The following ROBO2 variants were observed in gnomAD, a reference collection of about 807,000 sequenced individuals.
The protein encoded by ROBO2 is roundabout homolog 2.
A neutral mutation model predicts 160.8 loss-of-function variants in ROBO2; 53 were observed. The ratio of observed to expected loss-of-function variants is 0.33; its 90% CI spans 0.26 to 0.41. The LOEUF (loss-of-function observed/expected upper bound fraction) is 0.41. Among genes scored for constraint, ROBO2 ranks in the 10% least tolerant of loss-of-function variants. The probability of loss-of-function intolerance (pLI) is 1.00; values close to 1 mark genes in which losing one functional copy is unlikely to be tolerated. For synonymous variants in ROBO2, 664 were observed against 611.7 expected (o/e 1.09, Z -1.26); for missense variants, 1,577 against 1,722.4 (o/e 0.92, Z 1.49).
At chr3:76,584,356 A>G (rs1868189) in intron 2 of ROBO2, among the ~76,000 whole-genome samples, 40,679 of 151,984 alleles carry the variant, frequency 0.27, 6,735 homozygotes, top group Non-Finnish European at 0.37. Context: ...TTGAAGTCTC[A>G]ACTCCTAGTA....
intron 2 of ROBO2, among the ~76,000 whole-genome samples, chr3:76,325,608 A>C (rs894963004): frequency 6.6e-6 from 1 of 152,058 alleles, no homozygotes; most frequent in Non-Finnish European, 1.5e-5. Flanking sequence ...CATTTTAATC[A>C]GTTTATAAGC....
chr3:76,103,363 A>T (rs913609844), intron 2 of ROBO2, among the ~76,000 whole-genome samples: 8 of 152,122 alleles, frequency 5.3e-5, no homozygotes, highest in Non-Finnish European at 1.0e-4. Context: ...CTGGACACCT[A>T]CTCTGAAGTG....
At position 76,290,928 on chromosome 3, in the gene ROBO2, T is replaced by C. The variant is rs143934356; in HGVS notation, c.109+353326T>C. Among the ~76,000 whole-genome samples, 44 of 152,270 alleles carry C rather than the reference T, an allele frequency of 2.9e-4. No homozygotes were observed. The East Asian group carries it at 7.5e-3, about 26-fold the overall frequency. On this transcript the variant is annotated intron_variant, in intron 2 of 26. Coordinates refer to the ROBO2 transcript ENST00000487694. ...CTGGATTCAGTTTGCTAGTATTTAG[T>C]TGAGGATTTTTGCATCTATGTTTGC... is the stretch of plus-strand genomic sequence containing the variant.
chr3:77,585,178 T>C (rs1364569202), intron 16 of ROBO2, among the ~76,000 whole-genome samples: 1 of 151,260 alleles, frequency 6.6e-6, no homozygotes, highest in African/African-American at 2.4e-5. Context: ...AATTCTTAAG[T>C]AGAGCTTTCT....
At chr3:76,345,677 G>A (rs2074490182) in intron 2 of ROBO2, among the ~76,000 whole-genome samples, 1 of 151,744 alleles carries the variant, frequency 6.6e-6, no homozygotes, top group Non-Finnish European at 1.5e-5. Context: ...CTGAAAAATT[G>A]TCCTGATATT....
At chr3:77,557,393 A>C (rs1622375) in intron 8 of ROBO2, among the ~76,000 whole-genome samples, 1 of 152,072 alleles carries the variant, frequency 6.6e-6, no homozygotes, top group Non-Finnish European at 1.5e-5. Flanking sequence ...GAAGGAAATT[A>C]TTTATAATCT....
At chr3:75,915,926 A>G (rs1225809990) in intron 1 of ROBO2, among the ~76,000 whole-genome samples, 6 of 152,226 alleles carry the variant, frequency 3.9e-5, no homozygotes, top group Admixed American at 3.3e-4. Flanking sequence ...CTAAATATTA[A>G]GTAAATAAAA....
chr3:77,344,467 C>T (rs1388965784), intron 2 of ROBO2, among the ~76,000 whole-genome samples: 1 of 151,992 alleles, frequency 6.6e-6, no homozygotes, highest in Admixed American at 6.6e-5. Flanking sequence ...GATTAGTGTC[C>T]TTATAAAAGA....
chr3:77,165,481 T>C (rs1217198914), intron 2 of ROBO2, among the ~76,000 whole-genome samples: 1 of 149,184 alleles, frequency 6.7e-6, no homozygotes, highest in Non-Finnish European at 1.5e-5. Context: ...CACTTGTTTA[T>C]CTGCTGACCT....
At chr3:76,871,741 CTG>C (rs573723310) in intron 2 of ROBO2, among the ~76,000 whole-genome samples, 11 of 152,170 alleles carry the variant, frequency 7.2e-5, no homozygotes, top group African/African-American at 2.6e-4. Context: ...AGATTTGTGA[CTG>C]TGAATGGCAG....
At chr3:77,524,305 T>C (rs2090921763) in intron 6 of ROBO2, among the ~76,000 whole-genome samples, 1 of 146,622 alleles carries the variant, frequency 6.8e-6, no homozygotes, top group Non-Finnish European at 1.5e-5. Context: ...ATATGGATTA[T>C]GTAGGATGAA....
At chr3:76,327,069 TAGA>T (rs1272775296) in intron 2 of ROBO2, among the ~76,000 whole-genome samples, 1 of 152,118 alleles carries the variant, frequency 6.6e-6, no homozygotes, top group African/African-American at 2.4e-5. Context: ...GCAAAGTTTC[TAGA>T]AGAAGAATTA....
chr3:77,563,294 C>T (rs879541755), exon 11 of ROBO2: 1 of 1,613,542 alleles, frequency 6.2e-7, no homozygotes, highest in South Asian at 1.1e-5. Context: ...CCCCTGGAAC[C>T]CTTCCAGCAA....
At chr3:76,137,482 TGTTA>T (rs1284189995) in intron 2 of ROBO2, among the ~76,000 whole-genome samples, 6 of 152,168 alleles carry the variant, frequency 3.9e-5, no homozygotes, top group South Asian at 2.1e-4. Context: ...ATGATTCTGA[TGTTA>T]GTTCTGTTTA....
intron 2 of ROBO2, among the ~76,000 whole-genome samples, chr3:76,692,988 GTGTA>G (rs1174976703): frequency 3.4e-5 from 5 of 148,070 alleles, no homozygotes; most frequent in South Asian, 2.2e-4. Context: ...ATACACATAT[GTGTA>G]TGTATATATG....
chr3:77,237,630 A>G (rs1480076869), intron 2 of ROBO2, among the ~76,000 whole-genome samples: 1 of 152,162 alleles, frequency 6.6e-6, no homozygotes, highest in African/African-American at 2.4e-5. Flanking sequence ...TAGTGTATCT[A>G]TCTATTCACC....
chr3:77,580,622 T>C (rs564971982), intron 16 of ROBO2, among the ~76,000 whole-genome samples: 2 of 152,270 alleles, frequency 1.3e-5, no homozygotes, highest in South Asian at 4.1e-4. Context: ...TAGATTATGT[T>C]TGTCTGTTCT....
At chr3:77,150,129 C>A (rs1259313241) in intron 2 of ROBO2, among the ~76,000 whole-genome samples, 1 of 152,066 alleles carries the variant, frequency 6.6e-6, no homozygotes, top group Non-Finnish European at 1.5e-5. Context: ...CTCTAATGTT[C>A]TTTTAAAATG....
chr3:76,382,695 G>A (rs2108569941), intron 2 of ROBO2, among the ~76,000 whole-genome samples: 1 of 152,318 alleles, frequency 6.6e-6, no homozygotes, highest in South Asian at 2.1e-4. Flanking sequence ...GAATACTTTA[G>A]GGAATGTCTA....
Sources: allele counts gnomAD v4.1 joint callset (sites outside exome capture counted in the v4.1 genomes callset), GRCh38; gene constraint gnomAD v4.1.1; transcripts MANE v1.5; gene names NCBI Gene and HGNC (gene_info 2026-07-23, HGNC 2026-07-21).